Variants in ZNF282 observed in about 807,000 individuals in gnomAD.
ZNF282 encodes zinc finger protein 282.
In ZNF282, 30 loss-of-function variants were observed where a neutral mutation model predicts 61.9. The ratio of observed to expected loss-of-function variants is 0.48; its 90% confidence interval spans 0.36 to 0.66. The LOEUF is 0.66. ZNF282 is among the 30% of genes least tolerant of loss of function. The pLI, the probability that ZNF282 is intolerant of heterozygous loss-of-function variation, is 0.00. For missense variants in ZNF282, 788 were observed against 941.4 expected (o/e 0.84, Z 2.13); for synonymous variants, 396 against 405.0 (o/e 0.98, Z 0.27).
At chr7:149,221,031 C>T (rs938316494) in intron 7 of ZNF282, among the ~76,000 whole-genome samples, 4 of 151,620 alleles carry the variant, frequency 2.6e-5, no homozygotes, top group Middle Eastern at 6.9e-3. Flanking sequence ...ATAATCCTCT[C>T]GCATCAGTCT....
intron 2 of ZNF282, among the ~76,000 whole-genome samples, chr7:149,199,129 A>G (rs950065709): frequency 6.6e-6 from 1 of 152,154 alleles, no homozygotes; most frequent in Non-Finnish European, 1.5e-5. Context: ...ATGTGGCTGG[A>G]GTCGCACCTC....
chr7:149,212,924 T>C (rs1796110209), intron 6 of ZNF282, among the ~76,000 whole-genome samples: 1 of 152,192 alleles, frequency 6.6e-6, no homozygotes, highest in Non-Finnish European at 1.5e-5. Context: ...CCAAAAAGCA[T>C]CTAAAAGCTG....
Position 149,217,385 on chromosome 7 carries a change from AAAACAAAC to A in ZNF282, c.1180+3587_1180+3594del, listed in dbSNP as rs376272894. ...AACTCCGTCTCTACTAAAAATACAAAAAACAAACAAACAAACAAACAAAAAACAACTAG... is the reference window on the plus strand; with the variant it reads ...AACTCCGTCTCTACTAAAAATACAAAAAACAAACAAACAAAAAACAACTAG... On this transcript the variant is annotated intron_variant, in intron 7 of 7. Transcript: ENST00000610704. Among the ~76,000 whole-genome samples, 8 of 152,230 alleles carry A rather than the reference AAAACAAAC, an allele frequency of 5.3e-5. No individual in the cohort carries two copies. In the East Asian group the frequency reaches 1.4e-3, roughly 26 times the overall value.
At chr7:149,204,881 G>A (rs1795969025) in intron 2 of ZNF282, among the ~76,000 whole-genome samples, 1 of 152,180 alleles carries the variant, frequency 6.6e-6, no homozygotes, top group Admixed American at 6.5e-5. Context: ...CACTTGGGGA[G>A]GCCAAGGCAG....
intron 7 of ZNF282, among the ~76,000 whole-genome samples, chr7:149,214,243 C>T (rs561406462): frequency 4.8e-4 from 73 of 152,252 alleles, no homozygotes; most frequent in African/African-American, 1.7e-3. Flanking sequence ...ACATGGTGTT[C>T]CCTTGTGTCT....
chr7:149,216,444 G>A (rs557568012), intron 7 of ZNF282, among the ~76,000 whole-genome samples: 2 of 152,320 alleles, frequency 1.3e-5, no homozygotes, highest in East Asian at 1.9e-4. Flanking sequence ...GCATTTGGGA[G>A]GAAATGCACA....
Position 149,198,429 on chromosome 7 carries a change from G to A in ZNF282, c.262G>A (p.Glu88Lys). 6.2e-7 allele frequency: 1 copy of A among 1,614,198 alleles called. No individual in the cohort carries two copies. The highest frequency in any genetic ancestry group is 8.5e-7 in the Non-Finnish European group (1 of 1,180,036). Residue 88 changes from glutamate to lysine, a missense_variant, in exon 2 of 8, where the codon GAG becomes AAG. Transcript: ENST00000610704. This position sits in a 1 kb window ranked among gnomAD's most constrained non-coding sequence, Gnocchi z 4.3. ...APVFPDRMMR[E>K]PQLPTAEISL... ...TGTCTTCCCCGACCGCATGATGCGA[G>A]AGCCCCAGTTGCCCACAGCAGAGAT... is the stretch of plus-strand genomic sequence containing the variant.
At chr7:149,206,963 G>A (rs773866387) in intron 3 of ZNF282, 141 bp downstream of exon 3, 8 of 1,222,386 alleles carry the variant, frequency 6.5e-6, no homozygotes, top group Non-Finnish European at 9.1e-6. Context: ...TGCTTATAAT[G>A]CTAGTAGGAT....
chr7:149,214,054 T>G (rs1286063593), intron 7 of ZNF282, among the ~76,000 whole-genome samples: 1 of 152,184 alleles, frequency 6.6e-6, no homozygotes, highest in Non-Finnish European at 1.5e-5. Flanking sequence ...AATAGAAATT[T>G]ATTCTCTCAC....
At chr7:149,213,925 T>C in intron 7 of ZNF282, 111 bp downstream of exon 7, 1 of 693,092 alleles carries the variant, frequency 1.4e-6, no homozygotes, top group Non-Finnish European at 2.4e-6. Flanking sequence ...GGTGATGTTC[T>C]GTTGATGGCA....
intron 2 of ZNF282, among the ~76,000 whole-genome samples, chr7:149,202,063 C>T (rs2129523113): frequency 6.6e-6 from 1 of 152,260 alleles, no homozygotes; most frequent in East Asian, 1.9e-4. Context: ...GAACCACGTC[C>T]CCCAAGCACA....
Position 149,225,572 on chromosome 7 carries a change from C to G in ZNF282, c.*925C>G, listed in dbSNP as rs767906769. ...CAACAGTGGCCTGGTCCCCCACAGG[C>G]AGTTAGGGCCCCAGGTCAGACCTCA... On this transcript the variant is annotated 3_prime_UTR_variant, in exon 8 of 8. Coordinates refer to ENST00000610704, the MANE Select transcript of ZNF282 (RefSeq NM_003575.4). 1 of 152,726 alleles carries G rather than the reference C, an allele frequency of 6.5e-6. No homozygotes were observed. The highest frequency in any genetic ancestry group is 1.5e-5 in the Non-Finnish European group (1 of 68,198). The allele number at this position is 152,726 out of a possible 1,614,324, so 9.5% of individuals were successfully genotyped here.
intron 1 of ZNF282, among the ~76,000 whole-genome samples, chr7:149,197,950 A>T (rs1585558188): frequency 6.6e-6 from 1 of 152,264 alleles, no homozygotes; most frequent in East Asian, 1.9e-4. Context: ...GCTAACTTAC[A>T]TCAAAGTTCT....
intron 2 of ZNF282, among the ~76,000 whole-genome samples, chr7:149,204,042 G>C (rs911213189): frequency 3.9e-5 from 6 of 152,184 alleles, no homozygotes; most frequent in African/African-American, 1.4e-4. Flanking sequence ...TTACAGTCAA[G>C]CTGTTGAATG....
intron 2 of ZNF282, among the ~76,000 whole-genome samples, chr7:149,204,490 A>C (rs891760311): frequency 6.6e-6 from 1 of 152,154 alleles, no homozygotes; most frequent in African/African-American, 2.4e-5. Flanking sequence ...ATGACCCTGA[A>C]GGACGGAGCC....
chr7:149,199,888 C>CT (rs374619138), intron 2 of ZNF282, among the ~76,000 whole-genome samples: 23 of 149,230 alleles, frequency 1.5e-4, no homozygotes, highest in South Asian at 4.3e-4. Flanking sequence ...GGTAAAGACT[C>CT]TTTTTTTTTT....
intron 7 of ZNF282, among the ~76,000 whole-genome samples, chr7:149,221,180 A>G (rs559486306): frequency 9.3e-4 from 142 of 152,168 alleles, no homozygotes; most frequent in Middle Eastern, 3.4e-3. Context: ...TGGCCTCCCA[A>G]TGTGCCGGGA....
Position 149,195,705 on chromosome 7 carries a change from A to G in ZNF282, c.116A>G (p.Gln39Arg). The change falls in exon 1 of 8, where the codon CAG (glutamine) becomes CGG (arginine). Residue 39 changes from glutamine (Q) to arginine (R), a missense_variant. Physicochemically the swap from Gln to Arg is conservative, Grantham distance 43. Transcript: ENST00000610704. ...CTGCCCCCGGAGGAGGTCTGCCACC[A>G]GGAGCCGGCGCTGCGCGGGGAAATG... ...QALPPEEVCH[Q>R]EPALRGEMAE... is the part of the protein sequence containing the mutation. 1.3e-6 allele frequency: 2 copies of G among 1,559,108 alleles called. No homozygotes were observed. The highest frequency in any genetic ancestry group is 8.7e-7 in the Non-Finnish European group (1 of 1,154,384).
chr7:149,220,627 T>C (rs1222630912), intron 7 of ZNF282, among the ~76,000 whole-genome samples: 1 of 151,954 alleles, frequency 6.6e-6, no homozygotes, highest in Non-Finnish European at 1.5e-5. Flanking sequence ...CAGACATGAG[T>C]GTACAGGAAA....
Sources: allele counts gnomAD v4.1 joint callset (sites outside exome capture counted in the v4.1 genomes callset), GRCh38; gene constraint gnomAD v4.1.1; non-coding constraint Gnocchi (gnomAD v3.1); transcripts MANE v1.5; gene names NCBI Gene and HGNC (gene_info 2026-07-23, HGNC 2026-07-21).